The following CTNNA2 variants were observed in gnomAD, a reference collection of about 807,000 sequenced individuals.
CTNNA2 encodes the protein catenin alpha-2.
A neutral mutation model predicts 101.0 loss-of-function variants in CTNNA2; 42 were observed. The ratio of observed to expected loss-of-function variants is 0.42; its 90% CI spans 0.32 to 0.54. The LOEUF (loss-of-function observed/expected upper bound fraction) is 0.54, where lower values mean the gene tolerates loss of function less well. CTNNA2 is among the 20% of genes least tolerant of loss of function. CTNNA2 has a pLI of 0.14. For missense variants in CTNNA2, 871 were observed against 1,223.1 expected (o/e 0.71, Z 4.29); for synonymous variants, 450 against 456.4 (o/e 0.99, Z 0.18).
chr2:80,527,011 AG>A (rs752993804), intron 9 of CTNNA2, among the ~76,000 whole-genome samples: 139 of 152,100 alleles, frequency 9.1e-4, no homozygotes, highest in Non-Finnish European at 1.6e-3. Flanking sequence ...TCTGCATTTC[AG>A]GGGAAAAAAT....
chr2:80,587,399 TTATAA>T (rs1696070399), intron 14 of CTNNA2, among the ~76,000 whole-genome samples: 2 of 152,164 alleles, frequency 1.3e-5, no homozygotes, highest in Admixed American at 6.5e-5. Flanking sequence ...ATGGCAGCAG[TTATAA>T]TATAATGTTA....
At chr2:79,340,850 A>AAAAAG (rs1558635393) in intron 3 of CTNNA2, among the ~76,000 whole-genome samples, 25 of 147,174 alleles carry the variant, frequency 1.7e-4, no homozygotes, top group South Asian at 6.3e-4. Flanking sequence ...AAAAAAAAAA[A>AAAAAG]AAAAGAAAAG....
At chr2:80,150,201 T>G (rs767779440) in intron 7 of CTNNA2, among the ~76,000 whole-genome samples, 8 of 152,230 alleles carry the variant, frequency 5.3e-5, no homozygotes, top group Non-Finnish European at 1.0e-4. Flanking sequence ...GCTTGGCATT[T>G]TGCCATCTGT....
intron 7 of CTNNA2, among the ~76,000 whole-genome samples, chr2:80,289,933 G>A (rs1675093670): frequency 6.6e-6 from 1 of 152,162 alleles, no homozygotes; most frequent in African/African-American, 2.4e-5. Flanking sequence ...AATCCCTGTG[G>A]AGGAGAGTTT....
chr2:79,354,742 G>A (rs1157856748), intron 3 of CTNNA2, among the ~76,000 whole-genome samples: 1 of 152,134 alleles, frequency 6.6e-6, no homozygotes, highest in African/African-American at 2.4e-5. Context: ...CTGTGAGAGT[G>A]AATTGCCCTG....
intron 4 of CTNNA2, among the ~76,000 whole-genome samples, chr2:79,426,695 C>T (rs971805625): frequency 2.6e-5 from 4 of 152,074 alleles, no homozygotes; most frequent in African/African-American, 4.8e-5. Flanking sequence ...ATTATTTTCA[C>T]GTTCTGTTAC....
intron 7 of CTNNA2, among the ~76,000 whole-genome samples, chr2:80,237,901 A>ATACCC (rs1558931014): frequency 6.6e-6 from 1 of 152,024 alleles, no homozygotes; most frequent in Non-Finnish European, 1.5e-5. Context: ...ACCCTCTCCT[A>ATACCC]AGGTGCTCAT....
intron 8 of CTNNA2, among the ~76,000 whole-genome samples, chr2:80,400,199 C>T (rs1238478158): frequency 6.6e-6 from 1 of 152,164 alleles, no homozygotes; most frequent in African/African-American, 2.4e-5. Flanking sequence ...CCCCTCCTTG[C>T]TGAGGTTACC....
chr2:79,538,521 G>A lies in CTNNA2; in HGVS notation c.-6+25314G>A, dbSNP rs571056538. ...GCATGGAGGACAGAGAGACATGTTGGATGGGGTGAATGGGGAAAATCCAGA... is the reference window on the plus strand; with the variant it reads ...GCATGGAGGACAGAGAGACATGTTGAATGGGGTGAATGGGGAAAATCCAGA... On this transcript the variant is annotated intron_variant, in intron 1 of 18. Transcript: ENST00000402739. Among the ~76,000 whole-genome samples the A allele has an allele frequency of 2.0e-5, 3 of 152,318 alleles. No homozygotes were observed. In the South Asian group the frequency reaches 6.2e-4, roughly 32 times the overall value.
At chr2:79,488,804 A>T (rs1191086748) in intron 4 of CTNNA2, among the ~76,000 whole-genome samples, 1 of 152,132 alleles carries the variant, frequency 6.6e-6, no homozygotes, top group Non-Finnish European at 1.5e-5. Flanking sequence ...AGCCCTCCTC[A>T]GAAAGCCTCT....
At chr2:80,406,640 C>G (rs1049456519) in intron 8 of CTNNA2, among the ~76,000 whole-genome samples, 2 of 151,928 alleles carry the variant, frequency 1.3e-5, no homozygotes, top group African/African-American at 4.8e-5. Context: ...TCGTGGCTAA[C>G]GCGGTGAAAC....
intron 7 of CTNNA2, among the ~76,000 whole-genome samples, chr2:79,939,397 G>A (rs956875772): frequency 6.6e-6 from 1 of 152,138 alleles, no homozygotes; most frequent in Admixed American, 6.5e-5. Context: ...ATATTCAAAT[G>A]ACTGTTATTT....
chr2:79,958,077 C>T (rs979247986), intron 7 of CTNNA2, among the ~76,000 whole-genome samples: 7 of 152,166 alleles, frequency 4.6e-5, no homozygotes, highest in African/African-American at 1.7e-4. Flanking sequence ...CTGTTGCGCA[C>T]ATCCCAGTTC....
intron 3 of CTNNA2, among the ~76,000 whole-genome samples, chr2:79,355,103 C>T (rs1336564960): frequency 6.6e-6 from 1 of 152,046 alleles, no homozygotes; most frequent in African/African-American, 2.4e-5. Context: ...CATTTTTGTA[C>T]CAGTACCATG....
At chr2:80,358,855 G>A (rs1238742828) in intron 7 of CTNNA2, among the ~76,000 whole-genome samples, 2 of 150,906 alleles carry the variant, frequency 1.3e-5, no homozygotes, top group Non-Finnish European at 3.0e-5. Flanking sequence ...TATAACAAAC[G>A]GAACAGAAAT....
chr2:79,569,458 G>GT (rs1022266886), intron 1 of CTNNA2, among the ~76,000 whole-genome samples: 1 of 152,164 alleles, frequency 6.6e-6, no homozygotes, highest in African/African-American at 2.4e-5. Flanking sequence ...ATACTAAACA[G>GT]TTTGAGTTTT....
chr2:79,957,356 C>G (rs1689309816), intron 7 of CTNNA2, among the ~76,000 whole-genome samples: 1 of 152,146 alleles, frequency 6.6e-6, no homozygotes, highest in East Asian at 1.9e-4. Flanking sequence ...TCTTTGCTTA[C>G]CAGCATCCTG....
intron 7 of CTNNA2, among the ~76,000 whole-genome samples, chr2:80,345,551 C>A (rs1318594176): frequency 6.6e-6 from 1 of 151,966 alleles, no homozygotes; most frequent in African/African-American, 2.4e-5. Flanking sequence ...TGTTTGCATC[C>A]TCCCAGAAGA....
chr2:79,543,589 G>A (rs547386780), intron 1 of CTNNA2, among the ~76,000 whole-genome samples: 25 of 152,034 alleles, frequency 1.6e-4, no homozygotes, highest in Admixed American at 2.6e-4. Flanking sequence ...CACTGCTTCC[G>A]TCACACCCAA....
Sources: gnomAD v4.1 joint callset for allele counts (sites outside exome capture counted in the v4.1 genomes callset) on GRCh38, gnomAD v4.1.1 for gene constraint, MANE v1.5 for transcripts, NCBI Gene and HGNC (gene_info 2026-07-23, HGNC 2026-07-21) for gene names.